The following RETREG1 variants were observed in gnomAD, a reference collection of about 807,000 sequenced individuals.
RETREG1 encodes reticulophagy regulator 1.
Under a neutral mutation model 54.8 loss-of-function variants are expected in RETREG1, and 44 were observed. That is an observed-to-expected ratio of 0.80 (90% CI 0.63 to 1.03). RETREG1 has a LOEUF of 1.03. Among genes scored for constraint, RETREG1 ranks in the 50% least tolerant of loss-of-function variants. RETREG1 has a pLI of 0.00. For missense variants in RETREG1, 554 were observed against 605.1 expected, an observed-to-expected ratio of 0.92 and a Z score of 0.89; for synonymous variants, 217 against 238.5, an observed-to-expected ratio of 0.91 and a Z score of 0.83.
At chr5:16,520,139 A>T (rs368991309) in intron 3 of RETREG1, among the ~76,000 whole-genome samples, 2 of 152,146 alleles carry the variant, frequency 1.3e-5, no homozygotes, top group Non-Finnish European at 2.9e-5. Context: ...AGGCCAGGAG[A>T]GCAGGACATG....
intron 3 of RETREG1, among the ~76,000 whole-genome samples, chr5:16,486,830 C>T (rs1739038727): frequency 6.6e-6 from 1 of 152,180 alleles, no homozygotes; most frequent in Non-Finnish European, 1.5e-5. Flanking sequence ...AAACAGAGCA[C>T]TTCATGTGCA....
intron 3 of RETREG1, among the ~76,000 whole-genome samples, chr5:16,486,478 A>G (rs1426407882): frequency 2.6e-5 from 4 of 152,266 alleles, no homozygotes; most frequent in African/African-American, 9.6e-5. Flanking sequence ...TAGGTTATAC[A>G]GAATTAGATA....
chr5:16,536,795 C>T (rs1741086468), intron 3 of RETREG1, among the ~76,000 whole-genome samples: 1 of 152,194 alleles, frequency 6.6e-6, no homozygotes, highest in South Asian at 2.1e-4. Context: ...AGATCTCAGA[C>T]TCTTGTCTTG....
At chr5:16,590,942 C>T (rs927908235) in intron 1 of RETREG1, among the ~76,000 whole-genome samples, 8 of 151,996 alleles carry the variant, frequency 5.3e-5, no homozygotes, top group East Asian at 1.9e-4. Context: ...TACCCACACA[C>T]GCACATGCAA....
In RETREG1 at chr5:16,483,485, A is replaced by G. The variant is rs1249867446; in HGVS notation, c.459-13T>C. The G allele has an allele frequency of 6.2e-7, 1 of 1,612,548 alleles. No homozygotes were observed. Among genetic ancestry groups the G allele is most frequent in the Admixed American group, 1.7e-5 (1 of 59,922 alleles). ...GATAACTTCCCAGCTAAAGAGACAA[A>G]AAGAAAAAAAATACTACTGAACTTT... On this transcript the variant is annotated splice_polypyrimidine_tract_variant and intron_variant, in intron 3 of 8. Transcript: ENST00000306320.
intron 3 of RETREG1, among the ~76,000 whole-genome samples, chr5:16,496,921 G>A (rs1247040040): frequency 6.6e-6 from 1 of 152,208 alleles, no homozygotes; most frequent in Non-Finnish European, 1.5e-5. Flanking sequence ...TAACATGGCT[G>A]TGATCCAATA....
At chr5:16,600,129 C>G (rs1477386018) in intron 1 of RETREG1, among the ~76,000 whole-genome samples, 4 of 152,086 alleles carry the variant, frequency 2.6e-5, no homozygotes, top group Admixed American at 6.5e-5. Context: ...GCCTCCTGAG[C>G]AGCTGGGATT....
intron 3 of RETREG1, among the ~76,000 whole-genome samples, chr5:16,522,386 G>T (rs1293734299): frequency 6.6e-6 from 1 of 152,144 alleles, no homozygotes; most frequent in East Asian, 1.9e-4. Context: ...CAGAAACATG[G>T]GGTTATCTCC....
chr5:16,528,687 G>A (rs1005310335), intron 3 of RETREG1, among the ~76,000 whole-genome samples: 1 of 152,210 alleles, frequency 6.6e-6, no homozygotes, highest in Non-Finnish European at 1.5e-5. Context: ...ATCCACTCAC[G>A]TGAACACTAT....
At position 16,593,619 on chromosome 5, in the gene RETREG1, T is replaced by C. The variant is rs1468535627; in HGVS notation, c.321-21517A>G. 6.6e-6 allele frequency among the ~76,000 whole-genome samples: 1 copy of C among 152,196 alleles called. No individual in the cohort carries two copies. Among genetic ancestry groups the C allele is most frequent in the African/African-American group, 2.4e-5 (1 of 41,454 alleles). The stretch of plus-strand genomic sequence containing the variant: ...AACATTAAAATGTCTATACCATTTT[T>C]ATTAAAGACCCTTTGGGAAGCATCA... On this transcript the variant is annotated intron_variant, in intron 1 of 8. Transcript: ENST00000306320. The surrounding 1 kb of genome is among the most constrained non-coding windows in gnomAD (Gnocchi z 4.9).
rs766837100 is a variant in RETREG1 at position 16,507,567 on chromosome 5, A to G, written c.459-24095T>C. Among the ~76,000 whole-genome samples, 6 of 152,170 alleles carry G rather than the reference A, an allele frequency of 3.9e-5. 1 individual carries two copies. The highest frequency in any genetic ancestry group is 7.3e-5 in the Non-Finnish European group (5 of 68,030). ...ATGTAGAAAGTTGTTTCATTGTTCAATTAAATGTCAACATAATGTTGATGT... is the reference window on the plus strand; with the variant it reads ...ATGTAGAAAGTTGTTTCATTGTTCAGTTAAATGTCAACATAATGTTGATGT... On this transcript the variant is annotated intron_variant, in intron 3 of 8. Coordinates refer to ENST00000306320, the MANE Select transcript of RETREG1 (RefSeq NM_001034850.3).
chr5:16,518,766 C>A (rs1021921583), intron 3 of RETREG1, among the ~76,000 whole-genome samples: 1 of 152,090 alleles, frequency 6.6e-6, no homozygotes, highest in Non-Finnish European at 1.5e-5. Flanking sequence ...CTGACTGTTT[C>A]GTAAAAGACA....
intron 3 of RETREG1, among the ~76,000 whole-genome samples, chr5:16,525,103 C>T (rs1423509076): frequency 6.7e-6 from 1 of 149,466 alleles, no homozygotes; most frequent in East Asian, 2.0e-4. Flanking sequence ...CATCCTCCAG[C>T]CCCTGCAGGT....
chr5:16,526,640 T>C (rs553815108), intron 3 of RETREG1, among the ~76,000 whole-genome samples: 4 of 152,364 alleles, frequency 2.6e-5, no homozygotes, highest in Admixed American at 2.0e-4. Flanking sequence ...GTTTAACAAA[T>C]ACATGTCAGT....
chr5:16,596,830 G>A (rs1312996575), intron 1 of RETREG1, among the ~76,000 whole-genome samples: 1 of 152,176 alleles, frequency 6.6e-6, no homozygotes, highest in Non-Finnish European at 1.5e-5. Flanking sequence ...GGTCCAACTA[G>A]AGAATGGACC....
chr5:16,478,269 A>G (rs887306534), intron 6 of RETREG1, among the ~76,000 whole-genome samples, 171 bp from the exon 7 acceptor site: 1 of 152,178 alleles, frequency 6.6e-6, no homozygotes, highest in Non-Finnish European at 1.5e-5. Context: ...AACAAGCTTC[A>G]CATATTTGCA....
chr5:16,593,381 C>G lies in RETREG1; in HGVS notation c.321-21279G>C, dbSNP rs1742826837. ...ATCTCTCCTGTTCACCACTGTCACC[C>G]AAGCACTAGGTCTCTGCATGCCAAT... On this transcript the variant is annotated intron_variant, in intron 1 of 8. Coordinates refer to ENST00000306320, the MANE Select transcript of RETREG1 (RefSeq NM_001034850.3). The surrounding 1 kb of genome is among the most constrained non-coding windows in gnomAD (Gnocchi z 4.9). Among the ~76,000 whole-genome samples the G allele has an allele frequency of 6.6e-6, 1 of 152,130 alleles. No homozygotes were observed. Among genetic ancestry groups the G allele is most frequent in the African/African-American group, 2.4e-5 (1 of 41,398 alleles).
intron 3 of RETREG1, among the ~76,000 whole-genome samples, chr5:16,526,672 C>T (rs1417550830): frequency 6.6e-6 from 1 of 152,196 alleles, no homozygotes; most frequent in East Asian, 1.9e-4. Flanking sequence ...CGACACTGTT[C>T]TAACATTTCT....
chr5:16,519,741 A>C (rs568060270), intron 3 of RETREG1, among the ~76,000 whole-genome samples: 4 of 152,198 alleles, frequency 2.6e-5, no homozygotes, highest in Non-Finnish European at 4.4e-5. Flanking sequence ...GACACTGCCC[A>C]GTTGCACCTC....
Sources: allele counts gnomAD v4.1 joint callset (sites outside exome capture counted in the v4.1 genomes callset), GRCh38; gene constraint gnomAD v4.1.1; non-coding constraint Gnocchi (gnomAD v3.1); transcripts MANE v1.5; gene names NCBI Gene and HGNC (gene_info 2026-07-23, HGNC 2026-07-21).